Variants in FECH observed in about 807,000 individuals in gnomAD.
FECH encodes ferrochelatase, also known as ferrochelatase, mitochondrial.
Under a neutral mutation model 56.9 loss-of-function variants are expected in FECH, and 40 were observed. That is an observed-to-expected ratio of 0.70 (90% CI 0.55 to 0.92). The LOEUF (loss-of-function observed/expected upper bound fraction) is 0.92, where lower values mean the gene tolerates loss of function less well. Ranked by LOEUF, FECH falls within the 40% of genes least tolerant of loss-of-function variation. FECH has a pLI of 0.00. For missense variants in FECH, 431 were observed against 529.1 expected, an observed-to-expected ratio of 0.81 and a Z score of 1.82; for synonymous variants, 175 against 198.6, an observed-to-expected ratio of 0.88 and a Z score of 1.00.
At chr18:57,579,245 CAA>C (rs1314538554) in intron 2 of FECH, among the ~76,000 whole-genome samples, 2 of 114,800 alleles carry the variant, frequency 1.7e-5, no homozygotes, top group African/African-American at 3.7e-5. Flanking sequence ...GAGACTCTCT[CAA>C]AAAAAAAAAA....
intron 4 of FECH, among the ~76,000 whole-genome samples, chr18:57,571,110 G>A (rs186299638): frequency 6.6e-6 from 1 of 152,288 alleles, no homozygotes; most frequent in Non-Finnish European, 1.5e-5. Context: ...TGTTGCTTAT[G>A]CCTTATACTC....
chr18:57,573,604 C>T lies in FECH; in HGVS notation c.195-239G>A, dbSNP rs113428614. 2.4e-3 allele frequency among the ~76,000 whole-genome samples: 360 copies of T among 152,284 alleles called. 3 individuals carry two copies. The highest frequency in any genetic ancestry group is 8.4e-3 in the African/African-American group (349 of 41,556). Reference sequence around the variant, plus strand: ...TAATTCATGATATCAGTCTTCACTCCGCTAGAAATGTTTCCCTTTTAAAGT... The same window carrying T: ...TAATTCATGATATCAGTCTTCACTCTGCTAGAAATGTTTCCCTTTTAAAGT... On this transcript the variant is annotated intron_variant, in intron 2 of 10. Coordinates refer to ENST00000262093, the MANE Select transcript of FECH (RefSeq NM_000140.5).
rs576020604 is a variant in FECH at position 57,545,735 on chromosome 18, C to T, written c.*4977G>A. Reference sequence around the variant, plus strand: ...TACACACTTTATATTTTGCAAAATACGTGCATATGGAAAAGAAGCACAACA... The same window carrying T: ...TACACACTTTATATTTTGCAAAATATGTGCATATGGAAAAGAAGCACAACA... On this transcript the variant is annotated 3_prime_UTR_variant, in exon 11 of 11. Coordinates refer to ENST00000262093, the MANE Select transcript of FECH (RefSeq NM_000140.5). Among the ~76,000 whole-genome samples, 3 of 152,064 alleles carry T rather than the reference C, an allele frequency of 2.0e-5. No homozygotes were observed. The highest frequency in any genetic ancestry group is 6.5e-5 in the Admixed American group (1 of 15,284).
At chr18:57,568,522 G>A (rs34471102) in intron 4 of FECH, among the ~76,000 whole-genome samples, 14,137 of 152,278 alleles carry the variant, frequency 0.093, 831 homozygotes, top group Non-Finnish European at 0.14. Context: ...GTCCATCAGG[G>A]TGGGTTTCAC....
intron 5 of FECH, 148 bp downstream of exon 5, chr18:57,566,299 A>C: frequency 9.5e-7 from 1 of 1,058,106 alleles, no homozygotes; most frequent in Admixed American, 1.8e-5. Flanking sequence ...TTTCAAATGG[A>C]CTGACCTGAA....
chr18:57,553,565 G>A (rs1333606777), intron 9 of FECH, among the ~76,000 whole-genome samples: 1 of 152,158 alleles, frequency 6.6e-6, no homozygotes, highest in Non-Finnish European at 1.5e-5. Context: ...GCTATATATT[G>A]GAATAGGTTT....
chr18:57,571,607 C>T, intron 3 of FECH, 67 bp from the exon 4 acceptor site: 1 of 1,612,356 alleles, frequency 6.2e-7, no homozygotes, highest in Non-Finnish European at 8.5e-7. Flanking sequence ...ATGTTTTCTA[C>T]TCAATAAAAA....
intron 2 of FECH, among the ~76,000 whole-genome samples, chr18:57,574,477 A>C (rs2051157593): frequency 6.6e-6 from 1 of 152,268 alleles, no homozygotes; most frequent in Admixed American, 6.5e-5. Flanking sequence ...CCCCTGAATA[A>C]GCAGGAAGAA....
intron 7 of FECH, among the ~76,000 whole-genome samples, chr18:57,555,891 G>A (rs1344009763): frequency 6.6e-6 from 1 of 152,234 alleles, no homozygotes; most frequent in Non-Finnish European, 1.5e-5. Flanking sequence ...CACTTTGGGA[G>A]GCTGAGGTGG....
chr18:57,568,122 T>C (rs1463093559), intron 4 of FECH, among the ~76,000 whole-genome samples: 1 of 152,144 alleles, frequency 6.6e-6, no homozygotes, highest in Non-Finnish European at 1.5e-5. Context: ...TGAGCTGAGG[T>C]TTAGCAAGCA....
chr18:57,566,239 T>C (rs984337799), intron 5 of FECH, among the ~76,000 whole-genome samples: 1 of 152,214 alleles, frequency 6.6e-6, no homozygotes, highest in Non-Finnish European at 1.5e-5. Context: ...ACACCATTTG[T>C]AATTACCAGC....
At position 57,554,990 on chromosome 18, in the gene FECH, C is replaced by T. The variant is rs146850672; in HGVS notation, c.805-38G>A. On this transcript the variant is annotated intron_variant, in intron 7 of 10. Transcript: ENST00000262093. ...CACAATGGGTGTTCAGCCATTAACA[C>T]TGGGAAGGCCCCGAGAGCCTCTGAC... The T allele has an allele frequency of 5.5e-5, 84 of 1,531,938 alleles. No individual in the cohort carries two copies. In the African/African-American group the frequency reaches 1.1e-3, roughly 19 times the overall value. 94.9% of individuals were successfully genotyped at this position (1,531,938 alleles called of 1,614,324 possible).
chr18:57,554,568 C>T, intron 8 of FECH, 144 bp from the exon 9 acceptor site: 2 of 907,564 alleles, frequency 2.2e-6, no homozygotes, highest in Non-Finnish European at 1.8e-6. Context: ...TTGATATTTT[C>T]ACATGGAAAC....
At chr18:57,575,224 A>G (rs2051168396) in intron 2 of FECH, among the ~76,000 whole-genome samples, 1 of 152,052 alleles carries the variant, frequency 6.6e-6, no homozygotes. Context: ...ATATGGTTAT[A>G]CCCTCTATTC....
chr18:57,566,659 T>C (rs898613139), intron 4 of FECH, 78 bp from the exon 5 acceptor site: 24 of 1,542,900 alleles, frequency 1.6e-5, no homozygotes, highest in Non-Finnish European at 1.8e-5. Flanking sequence ...CATAATGCAA[T>C]GCCCAGAACA....
chr18:57,565,572 G>GAA (rs57189114), intron 5 of FECH, among the ~76,000 whole-genome samples: 17 of 132,478 alleles, frequency 1.3e-4, no homozygotes, highest in African/African-American at 3.4e-4. Flanking sequence ...TACCATCTCA[G>GAA]AAAAAAAAAA....
intron 7 of FECH, among the ~76,000 whole-genome samples, chr18:57,558,677 T>C (rs1306902986): frequency 1.3e-5 from 2 of 152,298 alleles, no homozygotes; most frequent in African/African-American, 4.8e-5. Flanking sequence ...CCCAGTACTT[T>C]GGGAGGCCTG....
At chr18:57,585,241 T>C (rs1447094990) in intron 1 of FECH, among the ~76,000 whole-genome samples, 1 of 152,184 alleles carries the variant, frequency 6.6e-6, no homozygotes, top group East Asian at 1.9e-4. Flanking sequence ...CACACAGAAG[T>C]TGATCTTTTC....
chr18:57,581,774 G>A (rs917102511), intron 1 of FECH, among the ~76,000 whole-genome samples: 1 of 152,194 alleles, frequency 6.6e-6, no homozygotes, highest in Non-Finnish European at 1.5e-5. Flanking sequence ...AGTTTCAATT[G>A]TCAGTTTCTA....
Sources: gnomAD v4.1 joint callset for allele counts (sites outside exome capture counted in the v4.1 genomes callset) on GRCh38, gnomAD v4.1.1 for gene constraint, MANE v1.5 for transcripts, NCBI Gene and HGNC (gene_info 2026-07-23, HGNC 2026-07-21) for gene names.